Variants in RBPMS observed in about 807,000 individuals in gnomAD.
RBPMS encodes RNA-binding protein with multiple splicing.
RBPMS carries 7 observed loss-of-function variants against 26.8 expected under a neutral mutation model. The observed-to-expected ratio is 0.26, with a 90% CI of 0.15 to 0.49. The LOEUF (loss-of-function observed/expected upper bound fraction) is 0.49, where lower values mean the gene tolerates loss of function less well. Ranked by LOEUF, RBPMS falls within the 20% of genes least tolerant of loss-of-function variation. The pLI is 0.98. For synonymous variants in RBPMS, 96 were observed against 93.3 expected (o/e 1.03, Z -0.17); for missense variants, 186 against 250.0 (o/e 0.74, Z 1.73).
chr8:30,518,367 G>A (rs911181202), intron 5 of RBPMS, among the ~76,000 whole-genome samples: 2 of 152,042 alleles, frequency 1.3e-5, no homozygotes, highest in African/African-American at 4.8e-5. Context: ...CCAGGACCTC[G>A]AGGTTGTAGG....
At chr8:30,567,551 G>A (rs1827987028) in intron 8 of RBPMS, among the ~76,000 whole-genome samples, 1 of 152,204 alleles carries the variant, frequency 6.6e-6, no homozygotes, top group South Asian at 2.1e-4. Flanking sequence ...ACATGATTTT[G>A]TTCTTCCTCC....
chr8:30,411,703 G>T (rs1809448268), intron 1 of RBPMS, among the ~76,000 whole-genome samples: 1 of 147,828 alleles, frequency 6.8e-6, no homozygotes, highest in Non-Finnish European at 1.5e-5. Flanking sequence ...AAATGTTTAG[G>T]CCGGGCACAG....
chr8:30,560,439 C>T (rs1827363839), intron 7 of RBPMS, among the ~76,000 whole-genome samples: 1 of 152,160 alleles, frequency 6.6e-6, no homozygotes, highest in East Asian at 1.9e-4. Context: ...GCCCAGCAGC[C>T]ACCTGGCCAT....
rs117008695 is a variant in RBPMS, at chr8:30,535,374, G to A, written c.398-9120G>A. Among the ~76,000 whole-genome samples, 170 of 152,254 alleles carry A rather than the reference G, an allele frequency of 1.1e-3. 2 individuals carry two copies. The East Asian group carries it at 0.017, about 15-fold the overall frequency. On this transcript the variant is annotated intron_variant, in intron 5 of 8. Coordinates refer to ENST00000397323, the MANE Select transcript of RBPMS (RefSeq NM_001008710.3). ...TAGACACAGAAAAAGAAAATTTTTC[G>A]TATAAGCAGTAGGTGCAGTGTTCAG...
intron 1 of RBPMS, among the ~76,000 whole-genome samples, chr8:30,455,156 G>T (rs1308425602): frequency 1.3e-5 from 2 of 152,136 alleles, no homozygotes; most frequent in Non-Finnish European, 2.9e-5. Flanking sequence ...CATTTCATGG[G>T]TTTAAATTCT....
chr8:30,418,812 C>T (rs890245835), intron 1 of RBPMS, among the ~76,000 whole-genome samples: 1 of 152,128 alleles, frequency 6.6e-6, no homozygotes, highest in Admixed American at 6.6e-5. Context: ...CTCCTGACCT[C>T]AAGTGATCCA....
rs540796493 is a variant in RBPMS at position 30,414,893 on chromosome 8, C to T, written c.66+29735C>T. ...GGTTGACTTTCCTCTTCCTCCCTGA[C>T]CCCACCCCTACATTCTCCTTTTCCC... On this transcript the variant is annotated intron_variant, in intron 1 of 8. Coordinates refer to ENST00000397323, the MANE Select transcript of RBPMS (RefSeq NM_001008710.3). Among the ~76,000 whole-genome samples the T allele has an allele frequency of 5.9e-5, 9 of 152,224 alleles. No individual in the cohort carries two copies. The South Asian group carries it at 1.2e-3, about 21-fold the overall frequency.
intron 1 of RBPMS, among the ~76,000 whole-genome samples, chr8:30,410,191 C>T (rs957085766): frequency 3.1e-4 from 45 of 143,292 alleles, no homozygotes; most frequent in African/African-American, 1.1e-3. Flanking sequence ...CACACACACA[C>T]TTAACTGCTA....
chr8:30,556,233 C>T (rs1826896319), intron 6 of RBPMS: 1 of 985,322 alleles, frequency 1.0e-6, no homozygotes, highest in African/African-American at 1.7e-5. Flanking sequence ...TCACTGGCGT[C>T]CTCACTCCTC....
At chr8:30,423,126 T>C (rs1810979725) in intron 1 of RBPMS, among the ~76,000 whole-genome samples, 1 of 152,206 alleles carries the variant, frequency 6.6e-6, no homozygotes, top group African/African-American at 2.4e-5. Flanking sequence ...TTCCAGCCTG[T>C]TTACTCTGGG....
rs1821134927 is a variant in RBPMS at position 30,506,924 on chromosome 8, AG to A, written c.397+2490del. Among the ~76,000 whole-genome samples, 3 of 152,226 alleles carry A rather than the reference AG, an allele frequency of 2.0e-5. No individual in the cohort carries two copies. The South Asian group carries it at 6.2e-4, about 32-fold the overall frequency. ...CCAATGTGCTAGACCCTGGAGAAGA[AG>A]GAAATTGGTTGCTGCCTTAAAAGAG... is the stretch of plus-strand genomic sequence containing the variant. On this transcript the variant is annotated intron_variant, in intron 5 of 8. Transcript: ENST00000397323.
chr8:30,449,086 G>A (rs924999030), intron 1 of RBPMS, among the ~76,000 whole-genome samples: 2 of 152,166 alleles, frequency 1.3e-5, no homozygotes. Context: ...ACAGTGTTGA[G>A]AACCTTGCTA....
At chr8:30,446,684 G>A (rs1167693569) in intron 1 of RBPMS, among the ~76,000 whole-genome samples, 7 of 152,178 alleles carry the variant, frequency 4.6e-5, no homozygotes, top group Non-Finnish European at 5.9e-5. Context: ...AGGCTGGAGT[G>A]CAGTGGTGTG....
chr8:30,393,666 C>T (rs557941331), intron 1 of RBPMS, among the ~76,000 whole-genome samples: 33 of 152,070 alleles, frequency 2.2e-4, no homozygotes, highest in Non-Finnish European at 4.0e-4. Context: ...TACAGGCACA[C>T]GCCACCACAC....
chr8:30,533,474 T>C (rs559833282), intron 5 of RBPMS, among the ~76,000 whole-genome samples: 8 of 152,206 alleles, frequency 5.3e-5, no homozygotes, highest in Admixed American at 6.5e-5. Context: ...GCTAGCAGCT[T>C]TGTTACCTGT....
At chr8:30,388,184 A>G (rs898802241) in intron 1 of RBPMS, among the ~76,000 whole-genome samples, 1 of 152,088 alleles carries the variant, frequency 6.6e-6, no homozygotes, top group Non-Finnish European at 1.5e-5. Flanking sequence ...AATCTCACTG[A>G]GATTTTTAAG....
chr8:30,431,225 G>T (rs576401573), intron 1 of RBPMS, among the ~76,000 whole-genome samples: 1 of 151,960 alleles, frequency 6.6e-6, no homozygotes, highest in Non-Finnish European at 1.5e-5. Context: ...TGTGGCATAG[G>T]GTGTCACATA....
At chr8:30,417,807 G>C (rs1051298930) in intron 1 of RBPMS, among the ~76,000 whole-genome samples, 3 of 152,146 alleles carry the variant, frequency 2.0e-5, no homozygotes, top group Admixed American at 1.3e-4. Flanking sequence ...GTGTTTCAAT[G>C]TATGGATGTT....
intron 5 of RBPMS, among the ~76,000 whole-genome samples, chr8:30,528,016 T>C (rs1341809859): frequency 6.6e-6 from 1 of 151,890 alleles, no homozygotes; most frequent in Non-Finnish European, 1.5e-5. Context: ...TCTCTACTAA[T>C]ATACAAAAAT....
Sources: gnomAD v4.1 joint callset for allele counts (sites outside exome capture counted in the v4.1 genomes callset) on GRCh38, gnomAD v4.1.1 for gene constraint, MANE v1.5 for transcripts, NCBI Gene and HGNC (gene_info 2026-07-23, HGNC 2026-07-21) for gene names.